Variants in MRC1 observed in about 807,000 individuals in gnomAD.
The protein encoded by MRC1 is macrophage mannose receptor 1.
Under a neutral mutation model 102.9 loss-of-function variants are expected in MRC1, and 62 were observed. That is an observed-to-expected ratio of 0.60 (90% CI 0.49 to 0.74). MRC1 has a LOEUF of 0.74. Among genes scored for constraint, MRC1 ranks in the 30% least tolerant of loss-of-function variants. The pLI is 0.00. For synonymous variants in MRC1, 457 were observed against 298.4 expected, an observed-to-expected ratio of 1.53 and a Z score of -5.48; for missense variants, 1,237 against 862.8, an observed-to-expected ratio of 1.43 and a Z score of -5.43.
chr10:17,845,117 C>T (rs782184112), intron 5 of MRC1, 172 bp from the exon 6 acceptor site: 1 of 778,394 alleles, frequency 1.3e-6, no homozygotes, highest in Non-Finnish European at 2.4e-6. Flanking sequence ...CAATAGACAC[C>T]CATCGTGTCT....
chr10:17,817,758 T>C (rs1554837996), intron 1 of MRC1, among the ~76,000 whole-genome samples: 1 of 152,174 alleles, frequency 6.6e-6, no homozygotes, highest in Non-Finnish European at 1.5e-5. Context: ...CGTATTTCTG[T>C]TACAAAAACA....
chr10:17,844,573 T>C (rs1004460668), intron 5 of MRC1, among the ~76,000 whole-genome samples: 3 of 152,208 alleles, frequency 2.0e-5, no homozygotes, highest in African/African-American at 4.8e-5. Flanking sequence ...TTCTTTTTAA[T>C]AAATTCTACT....
chr10:17,815,353 A>G (rs1389270910), intron 1 of MRC1, among the ~76,000 whole-genome samples: 1 of 152,218 alleles, frequency 6.6e-6, no homozygotes, highest in East Asian at 1.9e-4. Flanking sequence ...TAGTGGGGCT[A>G]TGCATGGAAG....
At position 17,813,940 on chromosome 10, in the gene MRC1, T is replaced by C. The variant is rs919463199; in HGVS notation, c.61+4414T>C. On this transcript the variant is annotated intron_variant, in intron 1 of 29. Transcript: ENST00000569591. ...TCTCAAACTCCTAGGCTCAAGTGATTTGCTCACCTCGGCCTCCCAAAGTGC... is the reference window on the plus strand; with the variant it reads ...TCTCAAACTCCTAGGCTCAAGTGATCTGCTCACCTCGGCCTCCCAAAGTGC... Among the ~76,000 whole-genome samples, 4 of 152,032 alleles carry C rather than the reference T, an allele frequency of 2.6e-5. No individual in the cohort carries two copies. The South Asian group carries it at 8.3e-4, about 32-fold the overall frequency.
intron 4 of MRC1, among the ~76,000 whole-genome samples, chr10:17,836,505 G>T (rs555007633): frequency 6.6e-6 from 1 of 152,264 alleles, no homozygotes; most frequent in Non-Finnish European, 1.5e-5. Context: ...GCAGTCTTGT[G>T]GTTATTTGGG....
intron 7 of MRC1, among the ~76,000 whole-genome samples, chr10:17,850,498 A>G (rs1418805249): frequency 6.6e-6 from 1 of 152,122 alleles, no homozygotes; most frequent in Non-Finnish European, 1.5e-5. Flanking sequence ...TTAAAAATAC[A>G]CAGAAAATGT....
chr10:17,890,285 A>G (rs1282099787), intron 22 of MRC1, among the ~76,000 whole-genome samples: 3 of 151,498 alleles, frequency 2.0e-5, no homozygotes, highest in African/African-American at 7.3e-5. Context: ...TTTGAGTGTG[A>G]TGTGTTTAGA....
At chr10:17,814,740 C>T (rs1452646801) in intron 1 of MRC1, among the ~76,000 whole-genome samples, 2 of 135,318 alleles carry the variant, frequency 1.5e-5, no homozygotes, top group African/African-American at 2.8e-5. Flanking sequence ...GGCTGGAGTG[C>T]AGTGGCGCCA....
intron 4 of MRC1, among the ~76,000 whole-genome samples, chr10:17,839,950 C>T (rs1838725543): frequency 6.6e-6 from 1 of 150,950 alleles, no homozygotes; most frequent in Non-Finnish European, 1.5e-5. Flanking sequence ...CCTGTAATCC[C>T]AGCTACTCGA....
chr10:17,811,188 AAACT>A (rs1450378244), intron 1 of MRC1, among the ~76,000 whole-genome samples: 3 of 152,184 alleles, frequency 2.0e-5, no homozygotes, highest in East Asian at 3.8e-4. Context: ...TCATTTCTTA[AAACT>A]AACTCTTCAA....
At chr10:17,824,995 A>C (rs1589165531) in intron 2 of MRC1, among the ~76,000 whole-genome samples, 1 of 151,950 alleles carries the variant, frequency 6.6e-6, no homozygotes, top group African/African-American at 2.4e-5. Flanking sequence ...ATTGGGAAAA[A>C]CCCCAGGAAT....
intron 7 of MRC1, among the ~76,000 whole-genome samples, chr10:17,851,736 T>C (rs1001765057): frequency 2.4e-4 from 36 of 152,232 alleles, no homozygotes; most frequent in Non-Finnish European, 3.2e-4. Context: ...GCTGAAAAGA[T>C]CACGATCTGC....
chr10:17,872,666 T>C (rs1833370840), intron 15 of MRC1, among the ~76,000 whole-genome samples: 1 of 152,164 alleles, frequency 6.6e-6, no homozygotes, highest in Non-Finnish European at 1.5e-5. Context: ...CTGTGGCCTC[T>C]GATGCTATTA....
chr10:17,828,403 G>A lies in MRC1; in HGVS notation c.637+688G>A, dbSNP rs1011684876. 4.9e-3 allele frequency among the ~76,000 whole-genome samples: 744 copies of A among 151,496 alleles called. 4 individuals carry two copies. The highest frequency in any genetic ancestry group is 7.5e-3 in the Non-Finnish European group (507 of 68,010). ...ACCTCTTTATTTTTACCAACTATCA[G>A]TTACTCAGCGAAAATTATCCTGTAC... is the stretch of plus-strand genomic sequence containing the variant. On this transcript the variant is annotated intron_variant, in intron 3 of 29. Coordinates refer to ENST00000569591, the MANE Select transcript of MRC1 (RefSeq NM_002438.4).
intron 9 of MRC1, among the ~76,000 whole-genome samples, chr10:17,857,383 A>G (rs1833108726): frequency 6.6e-6 from 1 of 152,214 alleles, no homozygotes; most frequent in South Asian, 2.1e-4. Flanking sequence ...ACAAGCTTGT[A>G]TATTACTGTC....
intron 26 of MRC1, among the ~76,000 whole-genome samples, chr10:17,903,431 C>T (rs1228175713): frequency 7.8e-6 from 1 of 127,684 alleles, no homozygotes; most frequent in Non-Finnish European, 1.6e-5. Flanking sequence ...AGTCTCATTC[C>T]CTCGCCCAGG....
rs954838880 is a variant in MRC1, at chr10:17,853,112, G to A, written c.1395G>A (p.Val465=). 185 of 780,840 alleles carry A rather than the reference G, an allele frequency of 2.4e-4. 2 individuals are homozygous for A. The South Asian group carries it at 2.4e-3, about 10-fold the overall frequency. 48.4% of individuals were successfully genotyped at this position (780,840 alleles called of 1,614,324 possible). A position where few individuals can be genotyped will look rare whatever the true frequency, so the allele number is the denominator to read the frequency against. The part of the protein sequence containing the change: ...HENNRQEDCV[V]MKGKDGYWAD... The stretch of plus-strand genomic sequence containing the variant: ...ACAACAGACAGGAGGATTGTGTGGT[G>A]ATGAAAGGCAAGGTAAGGCCACTTG... The change falls in exon 8 of 30, where the codon GTG becomes GTA. Residue 465 remains valine, a synonymous_variant. Coordinates refer to ENST00000569591, the MANE Select transcript of MRC1 (RefSeq NM_002438.4).
At chr10:17,865,089 T>A in intron 11 of MRC1, among the ~76,000 whole-genome samples, 1 of 152,212 alleles carries the variant, frequency 6.6e-6, no homozygotes, top group East Asian at 1.9e-4. Context: ...TTGTTTAATA[T>A]GACAACACAC....
intron 22 of MRC1, among the ~76,000 whole-genome samples, chr10:17,885,685 G>A (rs1310746601): frequency 6.6e-6 from 1 of 152,060 alleles, no homozygotes; most frequent in Non-Finnish European, 1.5e-5. Flanking sequence ...AGCCTAACTT[G>A]CAGTCAAAAG....
Sources: gnomAD v4.1 joint callset for allele counts (sites outside exome capture counted in the v4.1 genomes callset) on GRCh38, gnomAD v4.1.1 for gene constraint, MANE v1.5 for transcripts, NCBI Gene and HGNC (gene_info 2026-07-23, HGNC 2026-07-21) for gene names.